The following LRRC49 variants were observed in gnomAD, a reference collection of about 807,000 sequenced individuals.
LRRC49 encodes the protein leucine-rich repeat-containing protein 49.
In LRRC49, 50 loss-of-function variants were observed where a neutral mutation model predicts 83.3. That is an observed-to-expected ratio of 0.60 (90% CI 0.48 to 0.76). LRRC49 has a LOEUF of 0.76. Among genes scored for constraint, LRRC49 ranks in the 30% least tolerant of loss-of-function variants. LRRC49 has a pLI of 0.00. For missense variants in LRRC49, 704 were observed against 809.1 expected, an observed-to-expected ratio of 0.87 and a Z score of 1.58; for synonymous variants, 286 against 283.3, an observed-to-expected ratio of 1.01 and a Z score of -0.10.
chr15:71,001,694 AT>A (rs957956419), intron 11 of LRRC49, among the ~76,000 whole-genome samples: 3,103 of 145,422 alleles, frequency 0.021, 91 homozygotes, highest in African/African-American at 0.069. Flanking sequence ...TCTATCTGCT[AT>A]TTTTTTTTTT....
intron 11 of LRRC49, among the ~76,000 whole-genome samples, chr15:70,988,591 G>A (rs1293295617): frequency 1.5e-4 from 23 of 151,490 alleles, no homozygotes; most frequent in South Asian, 6.3e-4. Context: ...TCTTTATCCA[G>A]TTTGCCAGTC....
At chr15:71,008,104 C>T (rs923697768) in intron 11 of LRRC49, among the ~76,000 whole-genome samples, 6 of 151,630 alleles carry the variant, frequency 4.0e-5, no homozygotes, top group Admixed American at 2.0e-4. Context: ...TGTTTTAAAA[C>T]TAAAGGGAAT....
chr15:70,994,956 A>T (rs2038026286), intron 11 of LRRC49, among the ~76,000 whole-genome samples: 1 of 152,242 alleles, frequency 6.6e-6, no homozygotes, highest in Non-Finnish European at 1.5e-5. Context: ...ATGTTGAAAG[A>T]TTGAAGGAAA....
chr15:70,933,043 T>A (rs1398802466), intron 7 of LRRC49, among the ~76,000 whole-genome samples: 1 of 152,118 alleles, frequency 6.6e-6, no homozygotes, highest in South Asian at 2.1e-4. Context: ...AGTTCTTTTA[T>A]GCAGTTTAGG....
chr15:70,892,980 GT>G (rs746758522), intron 1 of LRRC49, 38 bp downstream of exon 1: 1 of 1,608,628 alleles, frequency 6.2e-7, no homozygotes, highest in African/African-American at 1.3e-5. Context: ...CTTCCCACTG[GT>G]ACTCTTTCTG....
At chr15:70,858,806 C>A in intron 1 of LRRC49, 1 of 823,162 alleles carries the variant, frequency 1.2e-6, no homozygotes, top group East Asian at 2.5e-5. Context: ...GCCCAGTGCC[C>A]GCATCAGCAC....
intron 8 of LRRC49, among the ~76,000 whole-genome samples, chr15:70,948,492 A>C (rs1195695014): frequency 1.0e-5 from 1 of 95,628 alleles, no homozygotes; most frequent in Non-Finnish European, 2.3e-5. Flanking sequence ...TTCCATTAGC[A>C]AAGTTTTTTT....
At chr15:70,977,399 C>T (rs989512970) in intron 9 of LRRC49, among the ~76,000 whole-genome samples, 1 of 152,136 alleles carries the variant, frequency 6.6e-6, no homozygotes, top group Non-Finnish European at 1.5e-5. Flanking sequence ...AATTGTAGCA[C>T]TTTGGGAGGC....
At chr15:70,923,307 G>A (rs540147542) in intron 7 of LRRC49, among the ~76,000 whole-genome samples, 2 of 151,976 alleles carry the variant, frequency 1.3e-5, no homozygotes, top group South Asian at 4.2e-4. Flanking sequence ...CTTATTTATT[G>A]CCTGGTATGT....
intron 7 of LRRC49, among the ~76,000 whole-genome samples, chr15:70,929,948 C>T (rs1201449635): frequency 6.6e-6 from 1 of 152,166 alleles, no homozygotes; most frequent in Admixed American, 6.5e-5. Flanking sequence ...CCTTCCTTCA[C>T]TGAAGTCTTG....
chr15:70,953,911 T>A (rs2141183641), intron 8 of LRRC49, among the ~76,000 whole-genome samples: 1 of 152,268 alleles, frequency 6.6e-6, no homozygotes, highest in African/African-American at 2.4e-5. Flanking sequence ...TATTTATTTA[T>A]TGAGACAGAG....
At chr15:71,048,728 T>C (rs970219724) in intron 15 of LRRC49, 1 of 446,502 alleles carries the variant, frequency 2.2e-6, no homozygotes, top group African/African-American at 2.0e-5. Flanking sequence ...AATATTCAAA[T>C]ATCCTCAGCT....
chr15:70,854,274 G>T, intron 1 of LRRC49: 1 of 218,686 alleles, frequency 4.6e-6, no homozygotes, highest in Non-Finnish European at 7.9e-6. Context: ...CCACCACCCC[G>T]ACCGCTAGTG....
At chr15:70,958,940 T>G (rs553392046) in intron 8 of LRRC49, among the ~76,000 whole-genome samples, 19 of 152,346 alleles carry the variant, frequency 1.2e-4, no homozygotes, top group African/African-American at 4.1e-4. Flanking sequence ...TGCCTCAACC[T>G]TGTTAGTACC....
chr15:70,967,420 C>G (rs1411881112), intron 9 of LRRC49, among the ~76,000 whole-genome samples: 3 of 151,958 alleles, frequency 2.0e-5, no homozygotes, highest in Non-Finnish European at 4.4e-5. Flanking sequence ...AGATGAGAAG[C>G]AAGGAGATTA....
rs181250287 is a variant in LRRC49 at position 70,893,693 on chromosome 15, C to T, written c.105+53C>T. 3.0e-4 allele frequency: 400 copies of T among 1,311,828 alleles called. 3 individuals are homozygous for T. The East Asian group carries it at 9.2e-3, about 30-fold the overall frequency. 81.3% of individuals were successfully genotyped at this position (1,311,828 alleles called of 1,614,324 possible). A position where few individuals can be genotyped will look rare whatever the true frequency, so the allele number is the denominator to read the frequency against. On this transcript the variant is annotated intron_variant, in intron 2 of 15. Coordinates refer to ENST00000260382, the MANE Select transcript of LRRC49 (RefSeq NM_017691.5). ...ATTGAAGATTGTTTTAAATTCTACACAAATAGCAGCATGACTTAAAGTGTA... is the reference window on the plus strand; with the variant it reads ...ATTGAAGATTGTTTTAAATTCTACATAAATAGCAGCATGACTTAAAGTGTA...
At chr15:70,939,707 T>C (rs905012467) in intron 8 of LRRC49, among the ~76,000 whole-genome samples, 5 of 152,118 alleles carry the variant, frequency 3.3e-5, no homozygotes, top group Admixed American at 2.0e-4. Context: ...TCACTTTGCA[T>C]TGGAATTTCT....
At chr15:70,953,340 C>G (rs2036286954) in intron 8 of LRRC49, among the ~76,000 whole-genome samples, 1 of 152,112 alleles carries the variant, frequency 6.6e-6, no homozygotes, top group South Asian at 2.1e-4. Flanking sequence ...AATGAATACT[C>G]TTAGCTTTGC....
intron 7 of LRRC49, among the ~76,000 whole-genome samples, chr15:70,923,970 C>T (rs2035100108): frequency 1.3e-5 from 2 of 151,826 alleles, no homozygotes; most frequent in African/African-American, 4.8e-5. Context: ...GATATGATGC[C>T]ATTTATCTAA....
Sources: allele counts gnomAD v4.1 joint callset (sites outside exome capture counted in the v4.1 genomes callset), GRCh38; gene constraint gnomAD v4.1.1; transcripts MANE v1.5; gene names NCBI Gene and HGNC (gene_info 2026-07-23, HGNC 2026-07-21).